Variants in PDXDC1 observed in about 807,000 individuals in gnomAD.
The protein encoded by PDXDC1 is pyridoxal-dependent decarboxylase domain-containing protein 1.
In PDXDC1, 42 loss-of-function variants were observed where a neutral mutation model predicts 100.1. The observed-to-expected ratio is 0.42, with a 90% CI of 0.33 to 0.54. The LOEUF is 0.54. Among genes scored for constraint, PDXDC1 ranks in the 20% least tolerant of loss-of-function variants. The pLI, the probability that PDXDC1 is intolerant of heterozygous loss-of-function variation, is 0.10. For missense variants in PDXDC1, 636 were observed against 979.2 expected, an observed-to-expected ratio of 0.65 and a Z score of 4.68; for synonymous variants, 260 against 371.7, an observed-to-expected ratio of 0.70 and a Z score of 3.46.
chr16:14,990,593 T>G (rs1311645367), intron 1 of PDXDC1, among the ~76,000 whole-genome samples: 1 of 152,278 alleles, frequency 6.6e-6, no homozygotes, highest in Non-Finnish European at 1.5e-5. Flanking sequence ...ATATTTTGAA[T>G]TATCCAATTA....
chr16:15,013,227 T>A (rs1038569309), intron 8 of PDXDC1, among the ~76,000 whole-genome samples: 5 of 152,350 alleles, frequency 3.3e-5, no homozygotes, highest in Admixed American at 6.5e-5. Context: ...TGGGCACCTG[T>A]AGTCCCAGCT....
chr16:15,130,874 C>A, intron 16 of PDXDC1: 2 of 723,608 alleles, frequency 2.8e-6, no homozygotes, highest in East Asian at 2.7e-5. Context: ...CTGAGCCCAC[C>A]CTCTGCCACG....
the PDXDC1 span, among the ~76,000 whole-genome samples, chr16:15,147,361 G>T: frequency 6.6e-6 from 1 of 152,230 alleles, no homozygotes; most frequent in African/African-American, 2.4e-5. Flanking sequence ...GCATGCTGAT[G>T]AAATCATCAC....
At chr16:15,055,711 G>T (rs2044482760) in intron 16 of PDXDC1, 2 of 378,096 alleles carry the variant, frequency 5.3e-6, no homozygotes, top group East Asian at 3.8e-5. Context: ...GCAGCCCGCT[G>T]AAGTCTAAAG....
downstream of PDXDC1, among the ~76,000 whole-genome samples, chr16:15,142,591 G>C (rs1365104977): frequency 1.3e-5 from 2 of 152,114 alleles, no homozygotes; most frequent in Non-Finnish European, 2.9e-5. Flanking sequence ...GCAGGACTCA[G>C]GTGTGGGCTT....
chr16:15,123,514 G>A lies in PDXDC1; in HGVS notation c.1400-15365G>A, dbSNP rs1471051852. The stretch of plus-strand genomic sequence containing the variant: ...AACAAAACATCAGCAGGATGCGGAA[G>A]GTCCCGATAGTAAACCATCTCCATC... On this transcript the variant is annotated intron_variant, in intron 16 of 16. Coordinates refer to the PDXDC1 transcript ENST00000535621. The A allele has an allele frequency of 9.6e-6, 6 of 627,790 alleles. No individual in the cohort carries two copies. The Admixed American group carries it at 1.4e-4, about 15-fold the overall frequency. 38.9% of individuals were successfully genotyped at this position (627,790 alleles called of 1,614,324 possible).
chr16:15,029,015 C>A (rs1432388447), intron 15 of PDXDC1, 49 bp downstream of exon 15: 6 of 1,582,426 alleles, frequency 3.8e-6, no homozygotes, highest in Non-Finnish European at 8.6e-7. Flanking sequence ...CGTCCATCAC[C>A]ATCCGACCTG....
chr16:14,985,499 AGGAT>A (rs1969155666), intron 1 of PDXDC1, among the ~76,000 whole-genome samples: 2 of 152,008 alleles, frequency 1.3e-5, no homozygotes, highest in Non-Finnish European at 2.9e-5. Context: ...TGTGTTAGCC[AGGAT>A]GGTCTCCATC....
intron 13 of PDXDC1, 121 bp downstream of exon 13, chr16:15,022,875 A>C: frequency 1.2e-6 from 1 of 835,700 alleles, no homozygotes; most frequent in Non-Finnish European, 1.8e-6. Context: ...TGGCAGCTCC[A>C]GTAAAAAAAC....
At chr16:15,135,181 AGC>A (rs1426824481) in intron 16 of PDXDC1, 1 of 833,074 alleles carries the variant, frequency 1.2e-6, no homozygotes, top group Admixed American at 2.0e-5. Context: ...GAGAGGGAAG[AGC>A]GCGCGGCCTC....
At chr16:15,087,024 A>G (rs1386960600) in intron 16 of PDXDC1, among the ~76,000 whole-genome samples, 2 of 152,226 alleles carry the variant, frequency 1.3e-5, no homozygotes, top group Non-Finnish European at 2.9e-5. Context: ...TACTGTTCAT[A>G]GTAATTGTTA....
intron 16 of PDXDC1, among the ~76,000 whole-genome samples, chr16:15,054,248 C>G (rs755535005): frequency 6.6e-5 from 10 of 152,254 alleles, no homozygotes; most frequent in Non-Finnish European, 1.2e-4. Flanking sequence ...TGATCGCCCC[C>G]TTCCAAAGTT....
At chr16:15,097,468 CAAAAAA>C (rs71152407) in intron 16 of PDXDC1, among the ~76,000 whole-genome samples, 29 of 65,850 alleles carry the variant, frequency 4.4e-4, no homozygotes, top group Non-Finnish European at 5.5e-4. Context: ...ACTAAAAATA[CAAAAAA>C]AAAAAAAAAA....
chr16:14,988,793 G>T, intron 1 of PDXDC1: 1 of 1,613,940 alleles, frequency 6.2e-7, no homozygotes, highest in East Asian at 2.2e-5. Context: ...GCCCCCCGAA[G>T]CTGAGCACCA....
chr16:15,140,685 G>C (rs777740660), downstream of PDXDC1, among the ~76,000 whole-genome samples: 3 of 152,064 alleles, frequency 2.0e-5, no homozygotes, highest in Non-Finnish European at 4.4e-5. Flanking sequence ...TCCTGGAGCT[G>C]GTGATGTGGA....
intron 16 of PDXDC1, chr16:15,122,036 G>C: frequency 3.5e-6 from 1 of 284,256 alleles, no homozygotes; most frequent in Non-Finnish European, 6.9e-6. Context: ...AATTAGCCAG[G>C]CGTTGTAATC....
At chr16:15,038,409 A>ATCCCCATTTGATAT, downstream of PDXDC1, 1 of 624,332 alleles carries the variant, frequency 1.6e-6, no homozygotes, top group Non-Finnish European at 2.8e-6. Flanking sequence ...GACTTGACAT[A>ATCCCCATTTGATAT]TCCCCATTTG....
At chr16:15,135,199 G>A (rs534048537) in intron 16 of PDXDC1, 43 of 799,228 alleles carry the variant, frequency 5.4e-5, no homozygotes, top group Non-Finnish European at 8.8e-5. Flanking sequence ...GCCTCCACCA[G>A]CACTAAAACA....
downstream of PDXDC1, among the ~76,000 whole-genome samples, chr16:15,141,987 G>A (rs544596350): frequency 6.6e-6 from 1 of 152,290 alleles, no homozygotes; most frequent in Non-Finnish European, 1.5e-5. Context: ...CCTAAGGGGC[G>A]AGAGGTGCTG....
Sources: gnomAD v4.1 joint callset for allele counts (sites outside exome capture counted in the v4.1 genomes callset) on GRCh38, gnomAD v4.1.1 for gene constraint, MANE v1.5 for transcripts, NCBI Gene and HGNC (gene_info 2026-07-23, HGNC 2026-07-21) for gene names.